MPPED1: variants seen among roughly 807,000 people sequenced by gnomAD.
The protein encoded by MPPED1 is metallophosphoesterase domain containing 1.
A neutral mutation model predicts 36.2 loss-of-function variants in MPPED1; 16 were observed. The observed-to-expected ratio is 0.44, with a 90% CI of 0.30 to 0.67. The LOEUF is 0.67. Among genes scored for constraint, MPPED1 ranks in the 30% least tolerant of loss-of-function variants. MPPED1 has a pLI of 0.10. For synonymous variants in MPPED1, 199 were observed against 191.3 expected, an observed-to-expected ratio of 1.04 and a Z score of -0.33; for missense variants, 307 against 453.4, an observed-to-expected ratio of 0.68 and a Z score of 2.93.
rs1321420930 is a variant in MPPED1, at chr22:43,444,424, C to T, written c.406+9209C>T. On this transcript the variant is annotated intron_variant, in intron 3 of 6. Transcript: ENST00000443721. The stretch of plus-strand genomic sequence containing the variant: ...CCCTGTCACCCAGGCTAGAGTGCAA[C>T]GGCGCGATCTCAGCTCACTGCAACC... Among the ~76,000 whole-genome samples the T allele has an allele frequency of 5.6e-5, 8 of 143,322 alleles. No homozygotes were observed. In the South Asian group the frequency reaches 6.7e-4, roughly 12 times the overall value. 94.0% of individuals were successfully genotyped at this position (143,322 alleles called of 152,430 possible).
rs912146697 is a variant in MPPED1, at chr22:43,434,406, G to C, written c.225-628G>C. Among the ~76,000 whole-genome samples the C allele has an allele frequency of 3.9e-5, 6 of 152,228 alleles. No homozygotes were observed. In the South Asian group the frequency reaches 1.2e-3, roughly 32 times the overall value. On this transcript the variant is annotated intron_variant, in intron 2 of 6. Transcript: ENST00000443721. ...TCCCGTGCTGCTGTCCTGCGACGGC[G>C]GACGTGCGCTGCACAGCCCGGGCAG...
intron 3 of MPPED1, among the ~76,000 whole-genome samples, chr22:43,442,244 C>A (rs529435809): frequency 1.3e-3 from 194 of 152,144 alleles, no homozygotes; most frequent in Admixed American, 6.3e-3. Flanking sequence ...TCCCCTGCAG[C>A]TTGTGCAAGT....
intron 3 of MPPED1, among the ~76,000 whole-genome samples, chr22:43,447,621 A>G (rs1189080979): frequency 6.6e-6 from 1 of 151,420 alleles, no homozygotes; most frequent in African/African-American, 2.4e-5. Flanking sequence ...GTTATTGTTC[A>G]TGTAGAGGGG....
At chr22:43,446,890 C>G (rs1156700376) in intron 3 of MPPED1, among the ~76,000 whole-genome samples, 1 of 152,218 alleles carries the variant, frequency 6.6e-6, no homozygotes, top group African/African-American at 2.4e-5. Flanking sequence ...TCAAGCAAGA[C>G]TTCCACTTGA....
At chr22:43,419,854 G>C (rs1929203584) in intron 1 of MPPED1, among the ~76,000 whole-genome samples, 1 of 152,090 alleles carries the variant, frequency 6.6e-6, no homozygotes, top group Non-Finnish European at 1.5e-5. Flanking sequence ...TTGGTGTCTT[G>C]GCTGACACCC....
intron 2 of MPPED1, among the ~76,000 whole-genome samples, chr22:43,429,785 G>C (rs760038482): frequency 6.6e-6 from 1 of 152,198 alleles, no homozygotes; most frequent in Admixed American, 6.5e-5. Context: ...GGAGTGTCAG[G>C]GATCACGGAG....
intron 1 of MPPED1, among the ~76,000 whole-genome samples, chr22:43,415,389 C>A (rs528814510): frequency 6.6e-6 from 1 of 152,232 alleles, no homozygotes; most frequent in East Asian, 1.9e-4. Flanking sequence ...GCTGCCAACA[C>A]AAATGTTTTA....
intron 4 of MPPED1, among the ~76,000 whole-genome samples, chr22:43,477,501 T>C (rs1430291037): frequency 1.3e-5 from 2 of 152,220 alleles, no homozygotes; most frequent in Non-Finnish European, 2.9e-5. Context: ...CCTGCCACCA[T>C]GCCCCAGCAG....
At chr22:43,428,811 G>C (rs926963955) in intron 2 of MPPED1, among the ~76,000 whole-genome samples, 1 of 151,922 alleles carries the variant, frequency 6.6e-6, no homozygotes, top group African/African-American at 2.4e-5. Flanking sequence ...TTGCCCCGGT[G>C]ACTGAGAAAC....
chr22:43,451,689 C>T (rs739017), intron 3 of MPPED1, among the ~76,000 whole-genome samples: 75,968 of 152,130 alleles, frequency 0.5, 21,847 homozygotes, highest in East Asian at 0.79. Context: ...AAGTTTTTTG[C>T]TCATTGATCC....
In MPPED1 at chr22:43,475,652, G is replaced by T. The variant is rs1471438807; in HGVS notation, c.632+691G>T. ...GGTGGTGATGATCGTCATGATGATG[G>T]TTGTGGTGGTGATGTGGTGATGGTG... On this transcript the variant is annotated intron_variant, in intron 4 of 6. Transcript: ENST00000443721. Among the ~76,000 whole-genome samples the T allele has an allele frequency of 2.4e-5, 3 of 123,100 alleles. No individual in the cohort carries two copies. The East Asian group carries it at 7.3e-4, about 30-fold the overall frequency. 80.8% of individuals were successfully genotyped at this position (123,100 alleles called of 152,430 possible).
intron 3 of MPPED1, among the ~76,000 whole-genome samples, chr22:43,456,461 T>C (rs1930757675): frequency 6.6e-6 from 1 of 152,088 alleles, no homozygotes; most frequent in African/African-American, 2.4e-5. Flanking sequence ...CTTTGTCAGG[T>C]TCAGAAGATC....
At chr22:43,443,096 T>G (rs1930208875) in intron 3 of MPPED1, among the ~76,000 whole-genome samples, 1 of 152,030 alleles carries the variant, frequency 6.6e-6, no homozygotes, top group Non-Finnish European at 1.5e-5. Flanking sequence ...AATTGATCAA[T>G]GCACAGGGTA....
At chr22:43,460,963 G>A (rs1430516077) in intron 3 of MPPED1, among the ~76,000 whole-genome samples, 2 of 152,156 alleles carry the variant, frequency 1.3e-5, no homozygotes, top group Non-Finnish European at 1.5e-5. Flanking sequence ...AACTGGTATG[G>A]CCTCCTTGGG....
intron 4 of MPPED1, among the ~76,000 whole-genome samples, chr22:43,493,378 C>T (rs765308347): frequency 6.6e-6 from 1 of 152,192 alleles, no homozygotes; most frequent in Non-Finnish European, 1.5e-5. Context: ...AGTCACCCCA[C>T]GGAACAGTGC....
chr22:43,418,655 A>AG (rs1443061755), intron 1 of MPPED1: 1 of 161,680 alleles, frequency 6.2e-6, no homozygotes, highest in Non-Finnish European at 1.4e-5. Context: ...GAGCCCTTGG[A>AG]GGGCTAGTTT....
intron 3 of MPPED1, among the ~76,000 whole-genome samples, chr22:43,458,500 G>A (rs1315620455): frequency 1.3e-5 from 2 of 152,134 alleles, no homozygotes; most frequent in East Asian, 3.9e-4. Context: ...TGGCCAGTCT[G>A]GTCTCTATCT....
At chr22:43,421,053 A>T (rs1384139391) in intron 1 of MPPED1, among the ~76,000 whole-genome samples, 3 of 152,188 alleles carry the variant, frequency 2.0e-5, no homozygotes, top group Non-Finnish European at 4.4e-5. Context: ...ACTCCGCTGG[A>T]CTGAGAGCCA....
At chr22:43,439,070 C>G (rs1457091241) in intron 3 of MPPED1, among the ~76,000 whole-genome samples, 2 of 152,206 alleles carry the variant, frequency 1.3e-5, no homozygotes, top group South Asian at 4.1e-4. Context: ...CCGTATAAGA[C>G]AAGACAAGAC....
Sources: gnomAD v4.1 joint callset for allele counts (sites outside exome capture counted in the v4.1 genomes callset) on GRCh38, gnomAD v4.1.1 for gene constraint, MANE v1.5 for transcripts, NCBI Gene and HGNC (gene_info 2026-07-23, HGNC 2026-07-21) for gene names.